Variants in HAUS6 observed in about 807,000 individuals in gnomAD.
HAUS6 encodes HAUS augmin-like complex subunit 6.
A neutral mutation model predicts 106.8 loss-of-function variants in HAUS6; 80 were observed. The ratio of observed to expected loss-of-function variants is 0.75; its 90% CI spans 0.63 to 0.90. The LOEUF (loss-of-function observed/expected upper bound fraction) is 0.90. HAUS6 is among the 40% of genes least tolerant of loss of function. The pLI is 0.00. For missense variants in HAUS6, 1,155 were observed against 1,118.1 expected, an observed-to-expected ratio of 1.03 and a Z score of -0.47; for synonymous variants, 356 against 379.1, an observed-to-expected ratio of 0.94 and a Z score of 0.71.
chr9:19,101,628 TA>T (rs1257343965), intron 1 of HAUS6, among the ~76,000 whole-genome samples: 2 of 151,064 alleles, frequency 1.3e-5, no homozygotes, highest in East Asian at 4.0e-4. Context: ...AATAATACTT[TA>T]AAAAAATAGA....
chr9:19,076,542 T>C (rs1837008985), intron 11 of HAUS6, 60 bp downstream of exon 11: 3 of 787,452 alleles, frequency 3.8e-6, no homozygotes, highest in Non-Finnish European at 6.6e-6. Context: ...ACTATTATTA[T>C]AATGAAAAAG....
intron 4 of HAUS6, among the ~76,000 whole-genome samples, chr9:19,090,423 G>A (rs187697776): frequency 5.4e-4 from 82 of 152,232 alleles, no homozygotes; most frequent in African/African-American, 1.9e-3. Flanking sequence ...GAAATGCAGT[G>A]GCGTGATCTC....
At chr9:19,059,877 A>C (rs914931633) in intron 15 of HAUS6, among the ~76,000 whole-genome samples, 83 of 152,334 alleles carry the variant, frequency 5.4e-4, no homozygotes, top group Admixed American at 1.2e-3. Flanking sequence ...GTACATTATC[A>C]AAATTTTATA....
intron 12 of HAUS6, among the ~76,000 whole-genome samples, chr9:19,063,970 A>ATTTT (rs34187338): frequency 0.064 from 8,699 of 135,760 alleles, 383 homozygotes; most frequent in East Asian, 0.095. Flanking sequence ...CCTTTATTTT[A>ATTTT]TTTTTTTTTT....
At chr9:19,100,815 T>G (rs539153234) in intron 1 of HAUS6, among the ~76,000 whole-genome samples, 1 of 152,306 alleles carries the variant, frequency 6.6e-6, no homozygotes, top group African/African-American at 2.4e-5. Flanking sequence ...GAGGTCATTA[T>G]CTTAAGTAAA....
chr9:19,067,954 A>G (rs1482634319), intron 12 of HAUS6, among the ~76,000 whole-genome samples: 1 of 151,890 alleles, frequency 6.6e-6, no homozygotes, highest in Non-Finnish European at 1.5e-5. Flanking sequence ...TCAGCCTCCT[A>G]AAGTGCTGGG....
In HAUS6 at chr9:19,076,582, A is replaced by T; in HGVS notation, c.1294+20T>A. 8.7e-7 allele frequency: 1 copy of T among 1,150,558 alleles called. No individual in the cohort carries two copies. The highest frequency in any genetic ancestry group is 1.3e-6 in the Non-Finnish European group (1 of 769,114). The allele number at this position is 1,150,558 out of a possible 1,614,324, so 71.3% of individuals were successfully genotyped here. On this transcript the variant is annotated intron_variant, in intron 11 of 16. Transcript: ENST00000380502. The stretch of plus-strand genomic sequence containing the variant: ...ACAGGAAGGAGGTTTCAAAGAGAAA[A>T]AAATAAATAAATAACCAACCTGGAA...
chr9:19,101,967 T>C (rs571774173), intron 1 of HAUS6, among the ~76,000 whole-genome samples: 71 of 152,252 alleles, frequency 4.7e-4, no homozygotes, highest in Non-Finnish European at 9.1e-4. Flanking sequence ...TAAATAGAGA[T>C]ACTGGCTAAA....
At position 19,094,312 on chromosome 9, in the gene HAUS6, C is replaced by T. The variant is rs1453802828; in HGVS notation, c.303+5G>A. ...TCTGTATCTTCTAACAAAAAGAATA[C>T]TTACAGAAATCCTTTTTATCCATTC... On this transcript the variant is annotated splice_donor_5th_base_variant and intron_variant, in intron 3 of 16. Transcript: ENST00000380502. 3.9e-6 allele frequency: 6 copies of T among 1,544,214 alleles called. No individual in the cohort carries two copies. Among genetic ancestry groups the T allele is most frequent in the South Asian group, 1.1e-5 (1 of 87,144 alleles).
intron 16 of HAUS6, chr9:19,057,348 A>C (rs527565633): frequency 6.6e-6 from 1 of 152,468 alleles, no homozygotes; most frequent in Middle Eastern, 3.4e-3. Context: ...TTACACTGCC[A>C]CAAGCCAAGG....
At chr9:19,072,669 G>A (rs1836904761) in intron 11 of HAUS6, among the ~76,000 whole-genome samples, 1 of 152,084 alleles carries the variant, frequency 6.6e-6, no homozygotes, top group Admixed American at 6.6e-5. Context: ...TCAAAAATGA[G>A]TGCAAATGAA....
At chr9:19,079,186 C>T (rs1295953399) in intron 9 of HAUS6, among the ~76,000 whole-genome samples, 2 of 148,276 alleles carry the variant, frequency 1.3e-5, no homozygotes, top group African/African-American at 2.5e-5. Context: ...AAAAAATACA[C>T]GAAACAATAA....
At position 19,063,177 on chromosome 9, in the gene HAUS6, G is replaced by T; in HGVS notation, c.1460C>A (p.Thr487Asn). 1 of 1,600,774 alleles carries T rather than the reference G, an allele frequency of 6.2e-7. No individual in the cohort carries two copies. The highest frequency in any genetic ancestry group is 1.3e-5 in the African/African-American group (1 of 74,510). ...TVLEKDTKMGTPKEKNEAISK... is the reference protein window; with the variant it reads ...TVLEKDTKMGNPKEKNEAISK... Reference sequence around the variant, plus strand: ...AATTGCTTCATTTTTTTCTTTGGGAGTTCCCATCTTTGTGTCCTGAAGAAG... The same window carrying T: ...AATTGCTTCATTTTTTTCTTTGGGATTTCCCATCTTTGTGTCCTGAAGAAG... Residue 487 changes from threonine (T) to asparagine (N), a missense_variant, in exon 14 of 17, where the codon ACT becomes AAT. Coordinates refer to ENST00000380502, the MANE Select transcript of HAUS6 (RefSeq NM_017645.5).
chr9:19,095,067 T>C (rs1817832077), intron 2 of HAUS6, among the ~76,000 whole-genome samples: 1 of 151,614 alleles, frequency 6.6e-6, no homozygotes, highest in Admixed American at 6.6e-5. Context: ...ATAGTAATCT[T>C]GCCAGAGAGA....
chr9:19,099,819 G>A (rs1055982898), intron 1 of HAUS6, among the ~76,000 whole-genome samples: 2 of 152,164 alleles, frequency 1.3e-5, no homozygotes, highest in Non-Finnish European at 2.9e-5. Context: ...GGAGGCTGAC[G>A]CGGGAGGATC....
At position 19,087,169 on chromosome 9, in the gene HAUS6, A is replaced by G; in HGVS notation, c.585-13T>C. ...CTTAACTGATAATCTGCAAGAAAACATACAAAATGACAACTATAATACCAT... is the reference window on the plus strand; with the variant it reads ...CTTAACTGATAATCTGCAAGAAAACGTACAAAATGACAACTATAATACCAT... On this transcript the variant is annotated splice_polypyrimidine_tract_variant and intron_variant, in intron 5 of 16. Transcript: ENST00000380502. 7.3e-7 allele frequency: 1 copy of G among 1,367,600 alleles called. No individual in the cohort carries two copies. The highest frequency in any genetic ancestry group is 1.0e-6 in the Non-Finnish European group (1 of 956,476). 84.7% of individuals were successfully genotyped at this position (1,367,600 alleles called of 1,614,324 possible).
At chr9:19,061,447 A>G (rs894308199) in intron 14 of HAUS6, among the ~76,000 whole-genome samples, 2 of 152,174 alleles carry the variant, frequency 1.3e-5, no homozygotes, top group African/African-American at 4.8e-5. Context: ...TCTTTACTTT[A>G]GTGTAGAGTC....
intron 4 of HAUS6, among the ~76,000 whole-genome samples, chr9:19,091,089 A>T (rs1356373121): frequency 2.6e-5 from 4 of 151,924 alleles, no homozygotes; most frequent in Non-Finnish European, 4.4e-5. Flanking sequence ...TCACAAGGTC[A>T]GGAGTTCGAG....
At position 19,058,731 on chromosome 9, in the gene HAUS6, G is replaced by A. The variant is rs778960278; in HGVS notation, c.2036C>T (p.Pro679Leu). Residue 679 changes from proline (P) to leucine (L), a missense_variant, in exon 16 of 17, where the codon CCA (proline) becomes CTA (leucine). Physicochemically the swap from Pro to Leu is moderately conservative, Grantham distance 98 (BLOSUM62 -3). This residue lies in a region of HAUS6 where 380 missense variants were observed against 394.8 expected (regional missense o/e 0.96). Coordinates refer to ENST00000380502, the MANE Select transcript of HAUS6 (RefSeq NM_017645.5). The stretch of plus-strand genomic sequence containing the variant: ...TAACAAATCTGACTGATTTTGTGTT[G>A]GTGGTTCATCTATGTGACTGGTCAG... The part of the protein sequence containing the change: ...HVLTSHIDEP[P>L]TQNQSDLLNK... The A allele has an allele frequency of 6.2e-7, 1 of 1,614,030 alleles. No homozygotes were observed. Among genetic ancestry groups the A allele is most frequent in the African/African-American group, 1.3e-5 (1 of 75,000 alleles).
Sources: gnomAD v4.1 joint callset for allele counts (sites outside exome capture counted in the v4.1 genomes callset) on GRCh38, gnomAD v4.1.1 for gene constraint, gnomAD v4.1.1 regional missense constraint, MANE v1.5 for transcripts, NCBI Gene and HGNC (gene_info 2026-07-23, HGNC 2026-07-21) for gene names.